Variants in LRBA observed in about 807,000 individuals in gnomAD.
LRBA encodes the protein LPS responsive beige-like anchor protein.
A neutral mutation model predicts 330.0 loss-of-function variants in LRBA; 176 were observed. The ratio of observed to expected loss-of-function variants is 0.53; its 90% CI spans 0.47 to 0.60. The LOEUF is 0.60. Ranked by LOEUF, LRBA falls within the 20% of genes least tolerant of loss-of-function variation. LRBA has a pLI of 0.00. For synonymous variants in LRBA, 1,230 were observed against 1,193.0 expected (o/e 1.03, Z -0.64); for missense variants, 3,259 against 3,444.8 (o/e 0.95, Z 1.35).
chr4:150,994,299 G>A (rs1023094186), intron 2 of LRBA, among the ~76,000 whole-genome samples: 2 of 152,106 alleles, frequency 1.3e-5, no homozygotes, highest in Non-Finnish European at 2.9e-5. Flanking sequence ...TTGTGACCTC[G>A]ACTGGGGTAA....
At chr4:150,824,298 G>C (rs1203825987) in intron 30 of LRBA, among the ~76,000 whole-genome samples, 1 of 152,090 alleles carries the variant, frequency 6.6e-6, no homozygotes, top group Non-Finnish European at 1.5e-5. Context: ...GAATTTATCA[G>C]TTATAATAGT....
chr4:150,990,120 A>C (rs541319472), intron 2 of LRBA, among the ~76,000 whole-genome samples: 96 of 152,296 alleles, frequency 6.3e-4, no homozygotes, highest in African/African-American at 2.0e-3. Context: ...TCTACACTGT[A>C]AGGGTGGATA....
intron 40 of LRBA, among the ~76,000 whole-genome samples, chr4:150,559,739 A>T (rs1316645229): frequency 6.3e-4 from 56 of 88,238 alleles, no homozygotes; most frequent in Non-Finnish European, 1.0e-3. Context: ...ATATAATATA[A>T]TATATAATAT....
At chr4:150,534,369 TAATAATAA>T (rs1410959419) in intron 40 of LRBA, among the ~76,000 whole-genome samples, 3 of 148,264 alleles carry the variant, frequency 2.0e-5, no homozygotes, top group East Asian at 2.0e-4. Context: ...ATAATAATAA[TAATAATAA>T]TTTTTTTTAA....
At chr4:150,868,099 T>C (rs1752960655) in intron 21 of LRBA, 83 bp downstream of exon 21, 1 of 1,367,754 alleles carries the variant, frequency 7.3e-7, no homozygotes, top group Admixed American at 2.3e-5. Flanking sequence ...ACAGTATTTT[T>C]AAAGCAATTT....
intron 40 of LRBA, among the ~76,000 whole-genome samples, chr4:150,565,305 G>C (rs1384612212): frequency 1.3e-5 from 2 of 152,084 alleles, no homozygotes; most frequent in Non-Finnish European, 2.9e-5. Flanking sequence ...AGAACACATG[G>C]ACACAGGGAA....
chr4:150,590,631 G>A (rs1772698403), intron 39 of LRBA, 82 bp downstream of exon 39: 2 of 1,257,760 alleles, frequency 1.6e-6, no homozygotes, highest in Non-Finnish European at 2.3e-6. Flanking sequence ...GGTAGTCCTA[G>A]TGGTCACAGC....
chr4:150,776,643 T>C (rs1737369314), intron 34 of LRBA, among the ~76,000 whole-genome samples: 1 of 151,836 alleles, frequency 6.6e-6, no homozygotes, highest in South Asian at 2.1e-4. Context: ...TGAAACCCCA[T>C]CTCTACTGAA....
intron 37 of LRBA, among the ~76,000 whole-genome samples, chr4:150,614,341 T>A (rs1413897620): frequency 6.6e-6 from 1 of 152,036 alleles, no homozygotes; most frequent in Non-Finnish European, 1.5e-5. Context: ...AAATAGAAAA[T>A]TAGACTATAG....
intron 38 of LRBA, among the ~76,000 whole-genome samples, chr4:150,596,912 AAT>A (rs1187394370): frequency 1.2e-4 from 18 of 151,718 alleles, no homozygotes; most frequent in South Asian, 8.3e-4. Context: ...TTTTTTAAAA[AAT>A]GTTATAGTAA....
chr4:150,325,845 T>A lies in LRBA; in HGVS notation c.7416A>T (p.Ile2472=). 1 of 1,613,504 alleles carries A rather than the reference T, an allele frequency of 6.2e-7. No homozygotes were observed. The highest frequency in any genetic ancestry group is 8.5e-7 in the Non-Finnish European group (1 of 1,179,640). ...CAGAACCTCTGGGAGGATGGGGCTC[T>A]ATGAGTAGTTGAGAAGGAGTCTGTC... ...SFGQTPSQLL[I]EPHPPRGSAM... Residue 2472 remains isoleucine, a synonymous_variant, in exon 49 of 57, where the codon ATA becomes ATT. Transcript: ENST00000651943.
intron 2 of LRBA, among the ~76,000 whole-genome samples, chr4:150,972,084 T>G (rs920673243): frequency 2.0e-5 from 3 of 152,090 alleles, no homozygotes; most frequent in Admixed American, 2.0e-4. Context: ...AAAATGAAAC[T>G]AATGAGCACC....
intron 28 of LRBA, among the ~76,000 whole-genome samples, chr4:150,843,348 G>A (rs918619558): frequency 1.3e-5 from 2 of 152,094 alleles, no homozygotes; most frequent in Non-Finnish European, 2.9e-5. Flanking sequence ...AAATATATAT[G>A]TAAAACATAC....
At chr4:150,633,163 G>GTTA (rs1433685586) in intron 37 of LRBA, among the ~76,000 whole-genome samples, 1 of 152,188 alleles carries the variant, frequency 6.6e-6, no homozygotes, top group Non-Finnish European at 1.5e-5. Flanking sequence ...TATTAGCTAT[G>GTTA]TTATTAGCTG....
chr4:150,277,781 T>C, intron 56 of LRBA, 72 bp downstream of exon 56: 1 of 1,461,306 alleles, frequency 6.8e-7, no homozygotes, highest in Non-Finnish European at 9.5e-7. Context: ...GGATTACAGG[T>C]GTAAGCCAAC....
At chr4:150,399,337 T>C (rs2151924134) in intron 47 of LRBA, among the ~76,000 whole-genome samples, 1 of 152,286 alleles carries the variant, frequency 6.6e-6, no homozygotes, top group East Asian at 1.9e-4. Flanking sequence ...CTAATCAATA[T>C]TCTTGGGCAA....
intron 44 of LRBA, among the ~76,000 whole-genome samples, chr4:150,463,113 T>A (rs887656021): frequency 1.3e-5 from 2 of 152,000 alleles, no homozygotes; most frequent in African/African-American, 4.8e-5. Flanking sequence ...TAAATGCAGT[T>A]GATTCCAAAC....
At chr4:150,594,038 C>G (rs1464886069) in intron 38 of LRBA, among the ~76,000 whole-genome samples, 1 of 152,052 alleles carries the variant, frequency 6.6e-6, no homozygotes, top group Non-Finnish European at 1.5e-5. Flanking sequence ...ATTTTACATA[C>G]TATAGGTGTA....
At chr4:150,844,328 C>G in intron 27 of LRBA, 121 bp from the exon 28 acceptor site, 1 of 564,536 alleles carries the variant, frequency 1.8e-6, no homozygotes, top group Non-Finnish European at 2.9e-6. Context: ...CATTCCTTTC[C>G]CCACTTTTTT....
Sources: gnomAD v4.1 joint callset for allele counts (sites outside exome capture counted in the v4.1 genomes callset) on GRCh38, gnomAD v4.1.1 for gene constraint, MANE v1.5 for transcripts, NCBI Gene and HGNC (gene_info 2026-07-23, HGNC 2026-07-21) for gene names.